PVT1: variants seen among roughly 807,000 people sequenced by gnomAD.
PVT1 encodes the protein Pvt1 oncogene.
intron 2 of PVT1, among the ~76,000 whole-genome samples, chr8:127,831,256 C>T (rs1814847850): frequency 6.6e-6 from 1 of 150,968 alleles, no homozygotes; most frequent in Non-Finnish European, 1.5e-5. Context: ...AGTTCAAGAC[C>T]AGTCTGGACA....
chr8:127,819,183 T>C (rs1464612690), intron 2 of PVT1, among the ~76,000 whole-genome samples: 1 of 152,224 alleles, frequency 6.6e-6, no homozygotes, highest in East Asian at 1.9e-4. Context: ...AAGGGTGCTT[T>C]ACAGTTGTAG....
At chr8:127,928,158 C>T (rs1816154770) in intron 3 of PVT1, among the ~76,000 whole-genome samples, 1 of 152,138 alleles carries the variant, frequency 6.6e-6, no homozygotes, top group South Asian at 2.1e-4. Context: ...TGGTAAGGAC[C>T]ACCGGCCGTC....
intron 4 of PVT1, among the ~76,000 whole-genome samples, chr8:128,038,368 C>T (rs1813489489): frequency 6.6e-6 from 1 of 152,130 alleles, no homozygotes; most frequent in African/African-American, 2.4e-5. Context: ...TCGCCACATG[C>T]CTGGCACTTC....
At chr8:128,069,610 C>T (rs892714561) in intron 4 of PVT1, among the ~76,000 whole-genome samples, 2 of 152,132 alleles carry the variant, frequency 1.3e-5, no homozygotes, top group Admixed American at 6.5e-5. Flanking sequence ...CCTTAGGGCT[C>T]CTGGCAGTTG....
chr8:127,874,253 G>A (rs1445384947), intron 2 of PVT1, among the ~76,000 whole-genome samples: 1 of 152,212 alleles, frequency 6.6e-6, no homozygotes, highest in African/African-American at 2.4e-5. Context: ...AGAAGGGGCA[G>A]CAGTGGATTC....
chr8:127,952,448 A>G (rs957103896), intron 3 of PVT1, among the ~76,000 whole-genome samples: 1 of 152,254 alleles, frequency 6.6e-6, no homozygotes, highest in Non-Finnish European at 1.5e-5. Flanking sequence ...CTTACTCAGC[A>G]CAAATTTCCC....
At chr8:128,023,723 G>C (rs1439174518) in intron 4 of PVT1, among the ~76,000 whole-genome samples, 1 of 152,208 alleles carries the variant, frequency 6.6e-6, no homozygotes, top group Non-Finnish European at 1.5e-5. Context: ...AATGCCATTT[G>C]CTGGACATTC....
At chr8:128,048,013 A>C (rs1313160863) in intron 4 of PVT1, among the ~76,000 whole-genome samples, 1 of 152,254 alleles carries the variant, frequency 6.6e-6, no homozygotes, top group Non-Finnish European at 1.5e-5. Flanking sequence ...AATAGTGCCT[A>C]GAACACTGTG....
intron 3 of PVT1, among the ~76,000 whole-genome samples, chr8:127,914,747 A>G (rs997336681): frequency 2.6e-5 from 4 of 152,202 alleles, no homozygotes; most frequent in Admixed American, 1.3e-4. Context: ...TTATATAGAC[A>G]GAAAGCAGAT....
chr8:127,797,144 C>G (rs1814406580), intron 2 of PVT1, among the ~76,000 whole-genome samples: 1 of 152,040 alleles, frequency 6.6e-6, no homozygotes, highest in Non-Finnish European at 1.5e-5. Flanking sequence ...TCCCAAAATG[C>G]TGGGAGGCCT....
chr8:128,040,478 T>A (rs1813517495), intron 4 of PVT1, among the ~76,000 whole-genome samples: 1 of 152,206 alleles, frequency 6.6e-6, no homozygotes, highest in Non-Finnish European at 1.5e-5. Context: ...CTCTTCAACA[T>A]ACACACATCC....
chr8:127,834,876 G>A (rs1397684547), intron 2 of PVT1, among the ~76,000 whole-genome samples: 1 of 152,200 alleles, frequency 6.6e-6, no homozygotes, highest in Admixed American at 6.5e-5. Context: ...TTAGAGAAAT[G>A]CAATCAAAAC....
chr8:128,017,717 G>A (rs548055886), intron 4 of PVT1, among the ~76,000 whole-genome samples: 6 of 152,122 alleles, frequency 3.9e-5, no homozygotes, highest in South Asian at 4.2e-4. Flanking sequence ...AATTATAGGC[G>A]TGAGCCATCA....
chr8:128,036,308 A>T (rs910525769), intron 4 of PVT1, among the ~76,000 whole-genome samples: 1 of 152,182 alleles, frequency 6.6e-6, no homozygotes, highest in Admixed American at 6.5e-5. Flanking sequence ...GAGCTGTGAA[A>T]TGCACTTGAA....
chr8:127,845,346 A>G (rs965003576), intron 2 of PVT1, among the ~76,000 whole-genome samples: 3 of 152,158 alleles, frequency 2.0e-5, no homozygotes, highest in Non-Finnish European at 4.4e-5. Context: ...TGTTTTCTCA[A>G]GTCCCTATAG....
Position 127,976,214 on chromosome 8 carries a change from C to T in PVT1, n.783-12948C>T, listed in dbSNP as rs141558539. Among the ~76,000 whole-genome samples the T allele has an allele frequency of 2.6e-5, 4 of 152,322 alleles. No homozygotes were observed. The East Asian group carries it at 7.7e-4, about 29-fold the overall frequency. On this transcript the variant is annotated intron_variant and non_coding_transcript_variant, in intron 3 of 10. Transcript: ENST00000651587. ...ACCTCAGAGGTCATCTCTTCCAACC[C>T]TTCTCCAGAGCAGCTTTAATTGCCT...
At chr8:127,964,916 C>G (rs188044562) in intron 3 of PVT1, among the ~76,000 whole-genome samples, 2 of 152,230 alleles carry the variant, frequency 1.3e-5, no homozygotes, top group African/African-American at 4.8e-5. Flanking sequence ...CTGCCTCAGC[C>G]TCCCACAGCA....
intron 2 of PVT1, among the ~76,000 whole-genome samples, chr8:127,874,903 G>GGTGTGT (rs112419227): frequency 1.9e-4 from 28 of 145,814 alleles, no homozygotes; most frequent in Non-Finnish European, 2.7e-4. Context: ...TTGGCCTCCA[G>GGTGTGT]GTGTGTGTGT....
intron 3 of PVT1, among the ~76,000 whole-genome samples, chr8:127,956,774 C>T (rs180927120): frequency 2.0e-3 from 312 of 152,318 alleles, no homozygotes; most frequent in Non-Finnish European, 2.3e-3. Context: ...TGAGCCACTG[C>T]GCCCTGCCAG....
Sources: gnomAD v4.1 joint callset for allele counts (sites outside exome capture counted in the v4.1 genomes callset) on GRCh38, gnomAD v4.1.1 for gene constraint, MANE v1.5 for transcripts, NCBI Gene and HGNC (gene_info 2026-07-23, HGNC 2026-07-21) for gene names.